Variants in TSHR observed in about 807,000 individuals in gnomAD.
The protein encoded by TSHR is thyrotropin receptor.
A neutral mutation model predicts 64.1 loss-of-function variants in TSHR; 51 were observed. The ratio of observed to expected loss-of-function variants is 0.80; its 90% CI spans 0.64 to 1.01. The LOEUF is 1.01. TSHR is among the 50% of genes least tolerant of loss of function. The pLI is 0.00. For synonymous variants in TSHR, 361 were observed against 361.9 expected (o/e 1.00, Z 0.03); for missense variants, 877 against 942.8 (o/e 0.93, Z 0.91).
In TSHR at chr14:81,094,117, T is replaced by C. The variant is rs553247086; in HGVS notation, c.545+1509T>C. The stretch of plus-strand genomic sequence containing the variant: ...ATTATTCATGATCTTTTCAGATGAT[T>C]ATTTCTACATTTTGGCAAAAGTCCT... On this transcript the variant is annotated intron_variant, in intron 6 of 9. Coordinates refer to ENST00000298171, the MANE Select transcript of TSHR (RefSeq NM_000369.5). 80 of 152,312 alleles carry C rather than the reference T, an allele frequency of 5.3e-4. 1 individual carries two copies. The highest frequency in any genetic ancestry group is 1.9e-3 in the African/African-American group (77 of 41,564). 9.4% of individuals were successfully genotyped at this position (152,312 alleles called of 1,614,324 possible).
At chr14:80,995,944 A>G (rs1888994097) in intron 1 of TSHR, among the ~76,000 whole-genome samples, 1 of 152,110 alleles carries the variant, frequency 6.6e-6, no homozygotes, top group Non-Finnish European at 1.5e-5. Flanking sequence ...AGTTATGTGC[A>G]AATTTTTGAT....
intron 8 of TSHR, among the ~76,000 whole-genome samples, chr14:81,135,303 T>G (rs1891409324): frequency 6.6e-6 from 1 of 152,314 alleles, no homozygotes; most frequent in African/African-American, 2.4e-5. Context: ...TTGAACTTCA[T>G]TCTGTAGATA....
At chr14:81,102,276 C>T (rs1414265760) in intron 7 of TSHR, among the ~76,000 whole-genome samples, 1 of 152,108 alleles carries the variant, frequency 6.6e-6, no homozygotes, top group African/African-American at 2.4e-5. Flanking sequence ...CAGCTTTCTC[C>T]TCAGACCATA....
intron 3 of TSHR, among the ~76,000 whole-genome samples, chr14:81,075,360 T>A (rs1887420844): frequency 6.6e-6 from 1 of 152,224 alleles, no homozygotes; most frequent in Non-Finnish European, 1.5e-5. Flanking sequence ...ACTGTTAAAT[T>A]TATGTAACAT....
rs116005027 is a variant in TSHR at position 81,081,401 on chromosome 14, T to A, written c.318-6553T>A. ...ACAAAAGATAGAGATGAAGATTGCA[T>A]AGAGTGAAGTATGGGGGAGGGGCGC... is the stretch of plus-strand genomic sequence containing the variant. On this transcript the variant is annotated intron_variant, in intron 3 of 9. Coordinates refer to ENST00000298171, the MANE Select transcript of TSHR (RefSeq NM_000369.5). Among the ~76,000 whole-genome samples, 463 of 152,210 alleles carry A rather than the reference T, an allele frequency of 3.0e-3. 4 individuals are homozygous for A. The highest frequency in any genetic ancestry group is 0.011 in the African/African-American group (443 of 41,556).
At chr14:80,975,717 C>T (rs1448267420) in intron 1 of TSHR, among the ~76,000 whole-genome samples, 1 of 152,118 alleles carries the variant, frequency 6.6e-6, no homozygotes, top group Non-Finnish European at 1.5e-5. Flanking sequence ...AGATTCTTTC[C>T]TAAGTTGAAT....
intron 2 of TSHR, among the ~76,000 whole-genome samples, chr14:81,064,512 C>T (rs1485856792): frequency 6.6e-6 from 1 of 152,058 alleles, no homozygotes; most frequent in African/African-American, 2.4e-5. Context: ...TGTTCAGCCC[C>T]TACTATGTGC....
chr14:81,067,619 G>A (rs996912492), intron 2 of TSHR, among the ~76,000 whole-genome samples: 1 of 149,006 alleles, frequency 6.7e-6, no homozygotes, highest in African/African-American at 2.5e-5. Context: ...ATTAGAATCA[G>A]CTAAGAAGCT....
In TSHR at chr14:81,103,646, C is replaced by T. The variant is rs1889721282; in HGVS notation, c.615-4729C>T. The T allele has an allele frequency of 3.0e-6, 3 of 985,454 alleles. No homozygotes were observed. Among genetic ancestry groups the T allele is most frequent in the South Asian group, 9.4e-5 (2 of 21,294 alleles). The allele number at this position is 985,454 out of a possible 1,614,324, so 61.0% of individuals were successfully genotyped here. ...CTTCCTATGGCGCCAAGAATGTTGT[C>T]ATCACTCAGAGGTGAAATTAATAAT... On this transcript the variant is annotated intron_variant, in intron 7 of 9. Coordinates refer to ENST00000298171, the MANE Select transcript of TSHR (RefSeq NM_000369.5). The surrounding 1 kb of genome is among the most constrained non-coding windows in gnomAD (Gnocchi z 4.1).
chr14:81,135,827 G>C (rs899932065), intron 8 of TSHR, among the ~76,000 whole-genome samples: 1 of 152,132 alleles, frequency 6.6e-6, no homozygotes, highest in Non-Finnish European at 1.5e-5. Context: ...CTGTCTGATA[G>C]CAACCAGACT....
intron 6 of TSHR, 82 bp from the exon 7 acceptor site, chr14:81,096,557 A>G (rs1889204271): frequency 7.1e-7 from 1 of 1,402,162 alleles, no homozygotes; most frequent in Admixed American, 1.7e-5. Flanking sequence ...ATGACACTGA[A>G]GAAATATAGT....
intron 8 of TSHR, among the ~76,000 whole-genome samples, chr14:81,111,002 T>C (rs1488666462): frequency 6.6e-6 from 1 of 152,232 alleles, no homozygotes; most frequent in African/African-American, 2.4e-5. Flanking sequence ...AAAATGTATG[T>C]TTAGTGTGTT....
In TSHR at chr14:81,143,290, T is replaced by C; in HGVS notation, c.1232T>C (p.Ile411Thr). ...GATGAGTTCAACCCGTGTGAAGACA[T>C]AATGGGCTACAAGTTCCTGAGAATT... ...KSDEFNPCED[I>T]MGYKFLRIVV... Residue 411 changes from isoleucine to threonine, a missense_variant, in exon 10 of 10, where the codon ATA (isoleucine) becomes ACA (threonine). Ile to Thr is a moderately conservative substitution (Grantham distance 89). Transcript: ENST00000298171. 1 of 1,614,126 alleles carries C rather than the reference T, an allele frequency of 6.2e-7. No homozygotes were observed.
intron 1 of TSHR, among the ~76,000 whole-genome samples, chr14:80,960,564 A>G (rs1308678320): frequency 6.6e-6 from 1 of 152,242 alleles, no homozygotes; most frequent in Non-Finnish European, 1.5e-5. Context: ...TGAACATAAT[A>G]ATGAACAATA....
intron 1 of TSHR, chr14:80,993,633 G>T (rs1234617457): frequency 6.6e-6 from 1 of 152,004 alleles, no homozygotes; most frequent in East Asian, 1.9e-4. Flanking sequence ...GCAAAAATAT[G>T]AGATAAAGAA....
intron 1 of TSHR, among the ~76,000 whole-genome samples, chr14:81,060,323 G>A (rs1886144241): frequency 6.6e-6 from 1 of 152,032 alleles, no homozygotes; most frequent in Admixed American, 6.6e-5. Flanking sequence ...CAGAGATTTT[G>A]GTAGAATGAC....
chr14:81,085,983 T>C (rs1888258039), intron 3 of TSHR, among the ~76,000 whole-genome samples: 1 of 151,954 alleles, frequency 6.6e-6, no homozygotes. Context: ...GGATATGGGC[T>C]TTGCATTTTA....
In TSHR at chr14:81,143,625, A is replaced by T; in HGVS notation, c.1567A>T (p.Ile523Phe). ...TVITLERWYA[I>F]TFAMRLDRKI... ...CATCACCCTGGAGCGCTGGTATGCCATCACCTTCGCCATGCGCCTGGACCG... is the reference window on the plus strand; with the variant it reads ...CATCACCCTGGAGCGCTGGTATGCCTTCACCTTCGCCATGCGCCTGGACCG... The change falls in exon 10 of 10, where the codon ATC (isoleucine) becomes TTC (phenylalanine). Residue 523 changes from isoleucine (I) to phenylalanine (F), a missense_variant. Physicochemically the swap from Ile to Phe is conservative, Grantham distance 21 (BLOSUM62 0). Coordinates refer to ENST00000298171, the MANE Select transcript of TSHR (RefSeq NM_000369.5). The T allele has an allele frequency of 6.2e-7, 1 of 1,614,020 alleles. No individual in the cohort carries two copies. The highest frequency in any genetic ancestry group is 2.2e-5 in the East Asian group (1 of 44,878).
intron 1 of TSHR, among the ~76,000 whole-genome samples, chr14:81,028,497 T>C (rs1884186934): frequency 6.6e-6 from 1 of 152,014 alleles, no homozygotes; most frequent in South Asian, 2.1e-4. Context: ...CTACATTGAG[T>C]TGGGATCCCA....
Sources: allele counts gnomAD v4.1 joint callset (sites outside exome capture counted in the v4.1 genomes callset), GRCh38; gene constraint gnomAD v4.1.1; non-coding constraint Gnocchi (gnomAD v3.1); transcripts MANE v1.5; gene names NCBI Gene and HGNC (gene_info 2026-07-23, HGNC 2026-07-21).